LSM14A: variants seen among roughly 807,000 people sequenced by gnomAD.
LSM14A encodes the protein LSM14A mRNA processing body assembly factor.
A neutral mutation model predicts 52.4 loss-of-function variants in LSM14A; 14 were observed. That is an observed-to-expected ratio of 0.27 (90% CI 0.18 to 0.42). The LOEUF (loss-of-function observed/expected upper bound fraction) is 0.42, where lower values mean the gene tolerates loss of function less well. LSM14A is among the 10% of genes least tolerant of loss of function. LSM14A has a pLI of 1.00. For synonymous variants in LSM14A, 185 were observed against 200.3 expected (o/e 0.92, Z 0.64); for missense variants, 417 against 581.8 (o/e 0.72, Z 2.91).
At chr19:34,223,589 C>A (rs1339875432) in intron 9 of LSM14A, among the ~76,000 whole-genome samples, 1 of 152,216 alleles carries the variant, frequency 6.6e-6, no homozygotes, top group Non-Finnish European at 1.5e-5. Flanking sequence ...ATGATTGTGG[C>A]CTGTTGCCAT....
intron 1 of LSM14A, among the ~76,000 whole-genome samples, chr19:34,192,701 G>A (rs1599676369): frequency 6.7e-6 from 1 of 148,444 alleles, no homozygotes; most frequent in East Asian, 2.1e-4. Flanking sequence ...GGGGCCAGGC[G>A]CGGTAGCTCA....
intron 3 of LSM14A, among the ~76,000 whole-genome samples, chr19:34,205,808 T>G (rs2071655040): frequency 6.6e-6 from 1 of 152,090 alleles, no homozygotes; most frequent in African/African-American, 2.4e-5. Context: ...AGAAATAGAT[T>G]ATATTATCAG....
At chr19:34,215,846 A>G (rs1367431809) in intron 6 of LSM14A, among the ~76,000 whole-genome samples, 185 bp downstream of exon 6, 1 of 152,186 alleles carries the variant, frequency 6.6e-6, no homozygotes, top group Non-Finnish European at 1.5e-5. Context: ...TAGTTTTGCA[A>G]ATCTATATAT....
At chr19:34,172,855 C>A in intron 1 of LSM14A, 92 bp downstream of exon 1, 1 of 1,393,040 alleles carries the variant, frequency 7.2e-7, no homozygotes, top group Non-Finnish European at 9.5e-7. Context: ...GTTCCCTCCC[C>A]TCCCTCCGTC....
intron 3 of LSM14A, chr19:34,208,684 T>C: frequency 2.8e-6 from 1 of 353,480 alleles, no homozygotes; most frequent in Non-Finnish European, 5.2e-6. Flanking sequence ...CTCCATGTGT[T>C]ATAAACATTG....
intron 1 of LSM14A, among the ~76,000 whole-genome samples, chr19:34,191,405 A>T (rs1039553119): frequency 2.0e-5 from 3 of 152,148 alleles, no homozygotes; most frequent in Non-Finnish European, 4.4e-5. Flanking sequence ...AAAAAACAAA[A>T]TAAGTAAATG....
At chr19:34,181,113 T>C (rs1031253450) in intron 1 of LSM14A, among the ~76,000 whole-genome samples, 4 of 152,208 alleles carry the variant, frequency 2.6e-5, no homozygotes, top group African/African-American at 7.2e-5. Flanking sequence ...ATGGATAAAC[T>C]GTTCTTATTT....
At chr19:34,177,822 A>G (rs1357366383) in intron 1 of LSM14A, among the ~76,000 whole-genome samples, 1 of 152,116 alleles carries the variant, frequency 6.6e-6, no homozygotes, top group Non-Finnish European at 1.5e-5. Context: ...CTTGAGCCCA[A>G]GAGGAGCTGT....
chr19:34,227,452 C>A lies in LSM14A; in HGVS notation c.*64C>A. On this transcript the variant is annotated 3_prime_UTR_variant, in exon 10 of 10. Transcript: ENST00000544216. ...TCTTCATGGTCCTGAACATTGATTT[C>A]AGTCTTTGCAAAGAATGAAGAAGTG... The A allele has an allele frequency of 3.2e-6, 4 of 1,245,892 alleles. No homozygotes were observed. Among genetic ancestry groups the A allele is most frequent in the Non-Finnish European group, 4.5e-6 (4 of 891,748 alleles). The allele number at this position is 1,245,892 out of a possible 1,614,324, so 77.2% of individuals were successfully genotyped here. A position where few individuals can be genotyped will look rare whatever the true frequency, so the allele number is the denominator to read the frequency against.
chr19:34,212,248 C>G (rs1175031103), intron 4 of LSM14A, among the ~76,000 whole-genome samples: 1 of 152,058 alleles, frequency 6.6e-6, no homozygotes, highest in African/African-American at 2.4e-5. Flanking sequence ...TTGCTTGAGC[C>G]CAGGAGGTTA....
chr19:34,172,819 T>G, intron 1 of LSM14A, 56 bp downstream of exon 1: 2 of 1,497,654 alleles, frequency 1.3e-6, no homozygotes, highest in South Asian at 1.3e-5. Flanking sequence ...TCGGGGCTGC[T>G]CCCCGCTCCG....
chr19:34,212,349 G>A (rs2072226841), intron 4 of LSM14A, among the ~76,000 whole-genome samples: 1 of 152,058 alleles, frequency 6.6e-6, no homozygotes, highest in Admixed American at 6.6e-5. Context: ...GATGATAAAG[G>A]TATTATTTTA....
intron 3 of LSM14A, among the ~76,000 whole-genome samples, chr19:34,205,315 C>T (rs558971074): frequency 1.7e-3 from 261 of 150,906 alleles, no homozygotes; most frequent in Middle Eastern, 0.01. Flanking sequence ...GGTGAAACCC[C>T]ATCTCTACAA....
chr19:34,186,656 C>T (rs1002791090), intron 1 of LSM14A, among the ~76,000 whole-genome samples: 1 of 152,124 alleles, frequency 6.6e-6, no homozygotes, highest in Non-Finnish European at 1.5e-5. Context: ...AAATAGAGGA[C>T]AGAAAACCTG....
intron 6 of LSM14A, among the ~76,000 whole-genome samples, chr19:34,217,500 AAATGATTGAAAAATGATCTTTCACTT>A (rs2072707771): frequency 6.6e-6 from 1 of 151,154 alleles, no homozygotes; most frequent in Non-Finnish European, 1.5e-5. Flanking sequence ...CTTATTTAGA[AAATGATTGAAAAATGATCTTTCACTT>A]AATTTTAGAA....
At chr19:34,214,506 G>A (rs1171473890) in intron 4 of LSM14A, among the ~76,000 whole-genome samples, 4 of 151,898 alleles carry the variant, frequency 2.6e-5, no homozygotes, top group Non-Finnish European at 4.4e-5. Context: ...ACAGGGTTTC[G>A]CCATGTTGCC....
chr19:34,181,343 A>G (rs1352090544), intron 1 of LSM14A, among the ~76,000 whole-genome samples: 1 of 152,246 alleles, frequency 6.6e-6, no homozygotes, highest in Admixed American at 6.5e-5. Context: ...CCCCATTTCT[A>G]TCCTTCCCTT....
intron 3 of LSM14A, among the ~76,000 whole-genome samples, chr19:34,200,330 G>A (rs2071203656): frequency 6.6e-6 from 1 of 152,158 alleles, no homozygotes; most frequent in Admixed American, 6.6e-5. Context: ...TCCTGCAGGG[G>A]AGAAAAAGAA....
At chr19:34,197,583 T>C (rs1234758352) in intron 3 of LSM14A, among the ~76,000 whole-genome samples, 1 of 151,066 alleles carries the variant, frequency 6.6e-6, no homozygotes, top group East Asian at 2.0e-4. Flanking sequence ...GGATTACAGG[T>C]GTGCGCCACC....
Sources: allele counts gnomAD v4.1 joint callset (sites outside exome capture counted in the v4.1 genomes callset), GRCh38; gene constraint gnomAD v4.1.1; transcripts MANE v1.5; gene names NCBI Gene and HGNC (gene_info 2026-07-23, HGNC 2026-07-21).